Variants in RYR3 observed in about 807,000 individuals in gnomAD.
RYR3 encodes brain ryanodine receptor-calcium release channel.
RYR3 carries 207 observed loss-of-function variants against 584.3 expected under a neutral mutation model. The observed-to-expected ratio is 0.35, with a 90% CI of 0.32 to 0.40. The LOEUF (loss-of-function observed/expected upper bound fraction) is 0.40. Ranked by LOEUF, RYR3 falls within the 10% of genes least tolerant of loss-of-function variation. The pLI, the probability that RYR3 is intolerant of heterozygous loss-of-function variation, is 1.00. For missense variants in RYR3, 5,616 were observed against 6,089.2 expected, an observed-to-expected ratio of 0.92 and a Z score of 2.59; for synonymous variants, 2,416 against 2,248.5, an observed-to-expected ratio of 1.07 and a Z score of -2.11.
chr15:33,532,803 A>G (rs1485537836), intron 4 of RYR3, among the ~76,000 whole-genome samples: 2 of 152,144 alleles, frequency 1.3e-5, no homozygotes, highest in East Asian at 3.9e-4. Flanking sequence ...AGCATCTTTG[A>G]GGTTTTAAGT....
chr15:33,450,087 TAAAAAAAAAA>T (rs10647466), intron 1 of RYR3, among the ~76,000 whole-genome samples: 66 of 67,322 alleles, frequency 9.8e-4, no homozygotes, highest in Middle Eastern at 0.011. Flanking sequence ...CATTAATACC[TAAAAAAAAAA>T]AAAAAAAAAA....
At chr15:33,644,709 C>T (rs1433461078) in intron 28 of RYR3, among the ~76,000 whole-genome samples, 190 bp downstream of exon 28, 3 of 152,232 alleles carry the variant, frequency 2.0e-5, no homozygotes, top group South Asian at 2.1e-4. Flanking sequence ...TGGCATCTTA[C>T]GAGAGGCATC....
chr15:33,810,535 C>T lies in RYR3; in HGVS notation c.10083C>T (p.Ser3361=). ...KKTKRRGDLY[S]IQTSLIVAAL... ...CAAAGCGGCGGGGAGACTTGTATTC[C>T]ATCCAGACCTCCCTCATCGTGGCTG... The change falls in exon 71 of 104, where the codon TCC becomes TCT. Residue 3361 remains serine, a synonymous_variant. Transcript: ENST00000634891. The T allele has an allele frequency of 6.2e-7, 1 of 1,613,986 alleles. No individual in the cohort carries two copies. The highest frequency in any genetic ancestry group is 8.5e-7 in the Non-Finnish European group (1 of 1,179,874).
intron 3 of RYR3, among the ~76,000 whole-genome samples, chr15:33,516,267 C>T (rs570431328): frequency 2.0e-5 from 3 of 152,068 alleles, no homozygotes; most frequent in Non-Finnish European, 4.4e-5. Context: ...GAGGCATGCC[C>T]CCCCCGAAAT....
At chr15:33,375,933 G>T (rs1355286767) in intron 1 of RYR3, among the ~76,000 whole-genome samples, 1 of 152,056 alleles carries the variant, frequency 6.6e-6, no homozygotes, top group Non-Finnish European at 1.5e-5. Context: ...GCGTGGTGGC[G>T]GGCGCCTGTA....
chr15:33,732,172 G>T (rs2069012525), intron 48 of RYR3, among the ~76,000 whole-genome samples: 1 of 151,668 alleles, frequency 6.6e-6, no homozygotes, highest in African/African-American at 2.4e-5. Context: ...ACGAGGTCAG[G>T]AGATCGAGAC....
chr15:33,863,628 C>G (rs1035767794), intron 102 of RYR3, among the ~76,000 whole-genome samples: 1 of 152,204 alleles, frequency 6.6e-6, no homozygotes, highest in African/African-American at 2.4e-5. Context: ...TGAAACTACA[C>G]TGGCATTCCC....
intron 2 of RYR3, among the ~76,000 whole-genome samples, chr15:33,491,004 G>A (rs1352368619): frequency 2.6e-5 from 4 of 152,110 alleles, no homozygotes; most frequent in South Asian, 2.1e-4. Flanking sequence ...TCTCATTTTT[G>A]TATTGGATGG....
chr15:33,596,983 C>G (rs1313076671), intron 16 of RYR3, among the ~76,000 whole-genome samples: 19 of 152,080 alleles, frequency 1.2e-4, no homozygotes, highest in Admixed American at 1.2e-3. Context: ...AATAACAGTT[C>G]TTTCCCAAAA....
At chr15:33,503,105 C>G (rs577408038) in intron 2 of RYR3, among the ~76,000 whole-genome samples, 21 of 152,298 alleles carry the variant, frequency 1.4e-4, no homozygotes, top group Admixed American at 1.2e-3. Flanking sequence ...AAGTTCTGGA[C>G]ATTCCTTTGA....
At chr15:33,548,443 A>G (rs2056418238) in intron 9 of RYR3, among the ~76,000 whole-genome samples, 1 of 152,204 alleles carries the variant, frequency 6.6e-6, no homozygotes, top group Non-Finnish European at 1.5e-5. Context: ...GTAGCTGACT[A>G]TAAAAGGAAA....
chr15:33,727,794 T>C (rs1203312891), intron 46 of RYR3, among the ~76,000 whole-genome samples: 1 of 152,232 alleles, frequency 6.6e-6, no homozygotes, highest in Non-Finnish European at 1.5e-5. Flanking sequence ...ATGCTGTGGC[T>C]ATAGCGTGCT....
intron 5 of RYR3, among the ~76,000 whole-genome samples, chr15:33,537,785 C>T (rs2055453724): frequency 1.3e-5 from 2 of 152,150 alleles, no homozygotes; most frequent in Admixed American, 6.5e-5. Flanking sequence ...GTTAGGGACT[C>T]TGTAGGTTCT....
intron 102 of RYR3, among the ~76,000 whole-genome samples, chr15:33,863,468 C>G (rs959988818): frequency 3.3e-5 from 5 of 152,138 alleles, no homozygotes; most frequent in African/African-American, 1.2e-4. Flanking sequence ...TCACCAACTT[C>G]ACAATCCTTT....
At chr15:33,780,661 G>A (rs1245194636) in intron 65 of RYR3, among the ~76,000 whole-genome samples, 2 of 152,062 alleles carry the variant, frequency 1.3e-5, no homozygotes, top group African/African-American at 2.4e-5. Context: ...ACCTGGGGAT[G>A]TGACTCCTTT....
intron 1 of RYR3, among the ~76,000 whole-genome samples, chr15:33,420,088 T>G (rs1338693603): frequency 6.6e-6 from 1 of 152,184 alleles, no homozygotes; most frequent in Non-Finnish European, 1.5e-5. Context: ...AACCTATAAT[T>G]ATGAATTTAT....
chr15:33,474,259 AGATGGGTG>A (rs2049176399), intron 2 of RYR3, among the ~76,000 whole-genome samples: 1 of 152,214 alleles, frequency 6.6e-6, no homozygotes, highest in Non-Finnish European at 1.5e-5. Context: ...GCAGATGGGC[AGATGGGTG>A]GATGGGTGAG....
At chr15:33,351,429 T>TAA (rs1156629582) in intron 1 of RYR3, among the ~76,000 whole-genome samples, 2 of 151,884 alleles carry the variant, frequency 1.3e-5, no homozygotes, top group Non-Finnish European at 2.9e-5. Context: ...ATCATCCTGA[T>TAA]ACCAAAGCCG....
At chr15:33,667,433 C>G (rs570237855) in intron 36 of RYR3, among the ~76,000 whole-genome samples, 5 of 152,130 alleles carry the variant, frequency 3.3e-5, no homozygotes, top group African/African-American at 1.2e-4. Context: ...AAAACAAGTA[C>G]CTGACTTTGA....
Sources: allele counts gnomAD v4.1 joint callset (sites outside exome capture counted in the v4.1 genomes callset), GRCh38; gene constraint gnomAD v4.1.1; transcripts MANE v1.5; gene names NCBI Gene and HGNC (gene_info 2026-07-23, HGNC 2026-07-21).